DLEC1: variants seen among roughly 807,000 people sequenced by gnomAD.
DLEC1 encodes deleted in lung and esophageal cancer protein 1.
DLEC1 carries 146 observed loss-of-function variants against 198.1 expected under a neutral mutation model. The ratio of observed to expected loss-of-function variants is 0.74; its 90% CI spans 0.64 to 0.85. DLEC1 has a LOEUF of 0.85. DLEC1 is among the 40% of genes least tolerant of loss of function. DLEC1 has a pLI of 0.00. For missense variants in DLEC1, 2,233 were observed against 2,220.0 expected, an observed-to-expected ratio of 1.01 and a Z score of -0.12; for synonymous variants, 897 against 866.8, an observed-to-expected ratio of 1.03 and a Z score of -0.61.
At chr3:38,096,992 A>C (rs992620051) in intron 15 of DLEC1, among the ~76,000 whole-genome samples, 190 bp from the exon 16 acceptor site, 1 of 152,202 alleles carries the variant, frequency 6.6e-6, no homozygotes, top group Non-Finnish European at 1.5e-5. Context: ...AGAGTATGTC[A>C]GCCACAGGCA....
Position 38,117,792 on chromosome 3 carries a change from CTG to C in DLEC1, c.4486-11_4486-10del, listed in dbSNP as rs1364966871. On this transcript the variant is annotated splice_polypyrimidine_tract_variant and intron_variant, in intron 32 of 36. Coordinates refer to ENST00000308059, the MANE Select transcript of DLEC1 (RefSeq NM_007335.4). ...AAGATGCATTCCCTGCCTCCTACCT[CTG>C]TGGCTGCCCAGGTGCTGAGTGAGCT... 2 of 1,612,868 alleles carry C rather than the reference CTG, an allele frequency of 1.2e-6. No homozygotes were observed. The highest frequency in any genetic ancestry group is 1.7e-6 in the Non-Finnish European group (2 of 1,179,380).
At chr3:38,062,953 G>A (rs6772805) in intron 5 of DLEC1, 152 bp downstream of exon 5, 3 of 846,464 alleles carry the variant, frequency 3.5e-6, no homozygotes, top group Admixed American at 2.9e-5. Flanking sequence ...TCACCCACTG[G>A]TGTGGCCTTT....
chr3:38,093,879 G>A, intron 12 of DLEC1, 112 bp downstream of exon 12: 2 of 1,369,478 alleles, frequency 1.5e-6, no homozygotes, highest in South Asian at 2.8e-5. Context: ...ACTGGGCACA[G>A]AATGGATATC....
intron 6 of DLEC1, among the ~76,000 whole-genome samples, chr3:38,070,908 G>C (rs886765563): frequency 1.3e-5 from 2 of 152,184 alleles, no homozygotes; most frequent in Non-Finnish European, 2.9e-5. Context: ...AGATGCGATG[G>C]CTTGCCTTGG....
chr3:38,063,245 G>A (rs1313894113), intron 5 of DLEC1, among the ~76,000 whole-genome samples: 2 of 152,098 alleles, frequency 1.3e-5, no homozygotes, highest in African/African-American at 2.4e-5. Flanking sequence ...ATTTTAGTAA[G>A]CCTAAAACTA....
Position 38,112,883 on chromosome 3 carries a change from G to A in DLEC1, c.3666+522G>A, listed in dbSNP as rs558132446. Among the ~76,000 whole-genome samples, 2 of 152,314 alleles carry A rather than the reference G, an allele frequency of 1.3e-5. No homozygotes were observed. The highest frequency in any genetic ancestry group is 3.4e-3 in the Middle Eastern group (1 of 294). ...TAAGGTAACCAGCAAGGCACCCCTAGTTTAGTCTGGAGGGATGAAACCTGC... is the reference window on the plus strand; with the variant it reads ...TAAGGTAACCAGCAAGGCACCCCTAATTTAGTCTGGAGGGATGAAACCTGC... On this transcript the variant is annotated intron_variant, in intron 25 of 36. Transcript: ENST00000308059. The surrounding 1 kb of genome is among the most constrained non-coding windows in gnomAD (Gnocchi z 4.8).
chr3:38,094,679 C>G (rs1434733961), intron 12 of DLEC1, among the ~76,000 whole-genome samples, 200 bp from the exon 13 acceptor site: 2 of 152,210 alleles, frequency 1.3e-5, no homozygotes, highest in African/African-American at 4.8e-5. Flanking sequence ...TACATAGTCT[C>G]TGTCTTAGAC....
At chr3:38,064,012 T>TC in intron 6 of DLEC1, 93 bp downstream of exon 6, 2 of 883,686 alleles carry the variant, frequency 2.3e-6, no homozygotes, top group African/African-American at 1.8e-5. Context: ...TTTTTCTTTT[T>TC]TTTTTTTTTT....
chr3:38,122,743 T>C lies in DLEC1; in HGVS notation c.*331T>C. On this transcript the variant is annotated 3_prime_UTR_variant, in exon 37 of 37. Coordinates refer to ENST00000308059, the MANE Select transcript of DLEC1 (RefSeq NM_007335.4). Reference sequence around the variant, plus strand: ...ATTCATGCACTTTTACTATGCCCATTGCACTTCTCATCCATGGATTTGCCT... The same window carrying C: ...ATTCATGCACTTTTACTATGCCCATCGCACTTCTCATCCATGGATTTGCCT... The C allele has an allele frequency of 1.5e-6, 2 of 1,291,932 alleles. No individual in the cohort carries two copies. Among genetic ancestry groups the C allele is most frequent in the South Asian group, 1.6e-5 (1 of 63,292 alleles). The allele number at this position is 1,291,932 out of a possible 1,614,324, so 80.0% of individuals were successfully genotyped here.
At chr3:38,058,265 G>T (rs1485280151) in intron 2 of DLEC1, among the ~76,000 whole-genome samples, 1 of 152,156 alleles carries the variant, frequency 6.6e-6, no homozygotes, top group East Asian at 1.9e-4. Context: ...ATCTGTTGAG[G>T]GATGGGATGA....
intron 10 of DLEC1, among the ~76,000 whole-genome samples, chr3:38,089,686 T>TC (rs1407079901): frequency 6.6e-6 from 1 of 152,010 alleles, no homozygotes; most frequent in Non-Finnish European, 1.5e-5. Context: ...GCCCTGGACA[T>TC]CCCCCTCATC....
In DLEC1 at chr3:38,095,939, C is replaced by G; in HGVS notation, c.2164C>G (p.Pro722Ala). 6.2e-7 allele frequency: 1 copy of G among 1,613,632 alleles called. No individual in the cohort carries two copies. The change falls in exon 14 of 37, where the codon CCT (proline) becomes GCT (alanine). Residue 722 changes from proline to alanine, a missense_variant. Coordinates refer to ENST00000308059, the MANE Select transcript of DLEC1 (RefSeq NM_007335.4). ...GATGGTGCTAGAGGAAGTCCCAGAG[C>G]CTGTAAGGTGAGAGAAACTGGGCCC... ...LQMVLEEVPE[P>A]VSSEAESLGH... is the part of the protein sequence containing the mutation.
At chr3:38,093,167 C>T (rs1698829356) in intron 11 of DLEC1, among the ~76,000 whole-genome samples, 1 of 152,140 alleles carries the variant, frequency 6.6e-6, no homozygotes, top group Non-Finnish European at 1.5e-5. Flanking sequence ...TTTTGAAACT[C>T]ACTTTGATCT....
intron 33 of DLEC1, 68 bp from the exon 34 acceptor site, chr3:38,120,380 G>A (rs1475301740): frequency 2.5e-6 from 4 of 1,570,338 alleles, no homozygotes; most frequent in Non-Finnish European, 3.5e-6. Flanking sequence ...GGAGGATGGA[G>A]CTCCAGGTGG....
rs1040281279 is a variant in DLEC1 at position 38,097,294 on chromosome 3, G to A, written c.2434+19G>A. 13 of 1,566,210 alleles carry A rather than the reference G, an allele frequency of 8.3e-6. No individual in the cohort carries two copies. Among genetic ancestry groups the A allele is most frequent in the Non-Finnish European group, 1.1e-5 (13 of 1,154,342 alleles). On this transcript the variant is annotated intron_variant, in intron 16 of 36. Transcript: ENST00000308059. ...GTCATAGGTACCTTGGGGACTGCAG[G>A]AGGGGTTGTGACCTGCCTGGGGCTG...
intron 16 of DLEC1, 34 bp from the exon 17 acceptor site, chr3:38,097,473 T>TCCTCTCCA (rs1699086063): frequency 6.2e-7 from 1 of 1,611,574 alleles, no homozygotes; most frequent in African/African-American, 1.3e-5. Flanking sequence ...CCTCTGCTTC[T>TCCTCTCCA]CCTCTCCACC....
At chr3:38,092,734 G>A (rs545877421) in intron 10 of DLEC1, 56 bp from the exon 11 acceptor site, 776 of 1,497,046 alleles carry the variant, frequency 5.2e-4, no homozygotes, top group Non-Finnish European at 6.9e-4. Flanking sequence ...GGTGGGAGGC[G>A]GGGAGGGTGG....
intron 1 of DLEC1, among the ~76,000 whole-genome samples, chr3:38,040,762 T>A (rs1447707597): frequency 6.6e-6 from 1 of 152,234 alleles, no homozygotes; most frequent in Non-Finnish European, 1.5e-5. Flanking sequence ...TCTCAGTATC[T>A]GTCCCATAAG....
In DLEC1 at chr3:38,107,742, G is replaced by A; in HGVS notation, c.3018+5G>A. The stretch of plus-strand genomic sequence containing the variant: ...ACCCAGTTCCACTGGGGCAAGGTGA[G>A]TGAGCCCACAGCATCAGGCAGCAGT... On this transcript the variant is annotated splice_donor_5th_base_variant and intron_variant, in intron 20 of 36. Transcript: ENST00000308059. 1.2e-6 allele frequency: 2 copies of A among 1,613,288 alleles called. No individual in the cohort carries two copies. Among genetic ancestry groups the A allele is most frequent in the Non-Finnish European group, 1.7e-6 (2 of 1,179,670 alleles).
Sources: allele counts gnomAD v4.1 joint callset (sites outside exome capture counted in the v4.1 genomes callset), GRCh38; gene constraint gnomAD v4.1.1; non-coding constraint Gnocchi (gnomAD v3.1); transcripts MANE v1.5; gene names NCBI Gene and HGNC (gene_info 2026-07-23, HGNC 2026-07-21).